ING5: variants seen among roughly 807,000 people sequenced by gnomAD.
The protein encoded by ING5 is inhibitor of growth protein 5.
A neutral mutation model predicts 37.4 loss-of-function variants in ING5; 17 were observed. That is an observed-to-expected ratio of 0.45 (90% CI 0.31 to 0.68). ING5 has a LOEUF of 0.68. Among genes scored for constraint, ING5 ranks in the 30% least tolerant of loss-of-function variants. The pLI is 0.05. For missense variants in ING5, 233 were observed against 311.9 expected, an observed-to-expected ratio of 0.75 and a Z score of 1.91; for synonymous variants, 123 against 116.6, an observed-to-expected ratio of 1.06 and a Z score of -0.36.
In ING5 at chr2:241,721,176, C is replaced by T. The variant is rs1032763934; in HGVS notation, c.483-1763C>T. On this transcript the variant is annotated intron_variant, in intron 5 of 7. Coordinates refer to ENST00000313552, the MANE Select transcript of ING5 (RefSeq NM_032329.6). ...CGGGTGAGAGGTGACTCGAGGAGACCGCAGGAGCCCCTTGGAGGTGAAGCC... is the reference window on the plus strand; with the variant it reads ...CGGGTGAGAGGTGACTCGAGGAGACTGCAGGAGCCCCTTGGAGGTGAAGCC... 1.5e-5 allele frequency: 15 copies of T among 985,350 alleles called. No homozygotes were observed. In the African/African-American group the frequency reaches 1.7e-4, roughly 11 times the overall value. 61.0% of individuals were successfully genotyped at this position (985,350 alleles called of 1,614,324 possible).
chr2:241,702,257 A>G (rs1300541747), intron 1 of ING5, among the ~76,000 whole-genome samples, 155 bp downstream of exon 1: 1 of 144,582 alleles, frequency 6.9e-6, no homozygotes, highest in African/African-American at 2.5e-5. Flanking sequence ...GGGGCGGGGC[A>G]GGGCCGCAAG....
intron 5 of ING5, among the ~76,000 whole-genome samples, chr2:241,718,552 A>C (rs2070344101): frequency 6.6e-6 from 1 of 151,414 alleles, no homozygotes; most frequent in African/African-American, 2.4e-5. Context: ...AGTAGCTGGA[A>C]TTACAGGCAC....
At chr2:241,698,171 G>C (rs570552965), upstream of ING5, among the ~76,000 whole-genome samples, 1 of 150,588 alleles carries the variant, frequency 6.6e-6, no homozygotes. Flanking sequence ...CGGGCCCGCC[G>C]TGGTGGCTCA....
Position 241,721,728 on chromosome 2 carries a change from G to T in ING5, c.483-1211G>T, listed in dbSNP as rs995650223. On this transcript the variant is annotated intron_variant, in intron 5 of 7. Transcript: ENST00000313552. ...ATACTTTTTCTTTCTGTACTAATGG[G>T]AATACACTGTCTATAGTACCTGCAG... 1.0e-5 allele frequency: 10 copies of T among 985,320 alleles called. No individual in the cohort carries two copies. The Admixed American group carries it at 2.5e-4, about 24-fold the overall frequency. 61.0% of individuals were successfully genotyped at this position (985,320 alleles called of 1,614,324 possible). A position where few individuals can be genotyped will look rare whatever the true frequency, so the allele number is the denominator to read the frequency against.
At chr2:241,709,096 G>T in intron 2 of ING5, 120 bp from the exon 3 acceptor site, 3 of 1,076,060 alleles carry the variant, frequency 2.8e-6, no homozygotes, top group Non-Finnish European at 4.1e-6. Flanking sequence ...CACAGCGTGA[G>T]TTCATGTCAG....
rs1042499757 is a variant in ING5, at chr2:241,711,290, T to G, written c.277-87T>G. On this transcript the variant is annotated intron_variant, in intron 3 of 7. Coordinates refer to ENST00000313552, the MANE Select transcript of ING5 (RefSeq NM_032329.6). ...GAGACTCAATTAAAGGGCAAGAAGGTGTTTCCTGGTGGATACTTTTGTACA... is the reference window on the plus strand; with the variant it reads ...GAGACTCAATTAAAGGGCAAGAAGGGGTTTCCTGGTGGATACTTTTGTACA... The G allele has an allele frequency of 2.5e-5, 21 of 856,562 alleles. 1 individual carries two copies. The South Asian group carries it at 5.0e-4, about 20-fold the overall frequency. 53.1% of individuals were successfully genotyped at this position (856,562 alleles called of 1,614,324 possible).
chr2:241,726,477 A>C lies in ING5; in HGVS notation c.*1446A>C, dbSNP rs1194304518. ...AGTCAGTGAGTGAGAACAAGAGAAC[A>C]AGAACACCCTGAACAGTCCTGGTTG... is the stretch of plus-strand genomic sequence containing the variant. On this transcript the variant is annotated 3_prime_UTR_variant, in exon 8 of 8. Transcript: ENST00000313552. The C allele has an allele frequency of 6.6e-6, 1 of 152,266 alleles. No individual in the cohort carries two copies. The highest frequency in any genetic ancestry group is 1.9e-4 in the East Asian group (1 of 5,196). The allele number at this position is 152,266 out of a possible 1,614,324, so 9.4% of individuals were successfully genotyped here. A position where few individuals can be genotyped will look rare whatever the true frequency, so the allele number is the denominator to read the frequency against.
At chr2:241,690,549 T>A (rs1180223508) in exon 2 of ING5, 2 of 398,288 alleles carry the variant, frequency 5.0e-6, no homozygotes, top group Non-Finnish European at 8.9e-6. Flanking sequence ...GAGCATCCAG[T>A]GTCCTTCGTA....
intron 5 of ING5, among the ~76,000 whole-genome samples, chr2:241,716,524 A>G (rs2070276150): frequency 2.7e-5 from 4 of 150,512 alleles, no homozygotes; most frequent in South Asian, 4.2e-4. Flanking sequence ...CGAACCCCTG[A>G]CCCCAAGTGA....
Position 241,704,643 on chromosome 2 carries a change from T to G in ING5, c.38-10T>G, listed in dbSNP as rs780896311. 1 of 1,613,316 alleles carries G rather than the reference T, an allele frequency of 6.2e-7. No homozygotes were observed. On this transcript the variant is annotated splice_polypyrimidine_tract_variant and intron_variant, in intron 1 of 7. Coordinates refer to ENST00000313552, the MANE Select transcript of ING5 (RefSeq NM_032329.6). ...GAGAGGTACATGGCTTCTGTGTTTT[T>G]GCGTTTCAGGTATCGAGAACCTTCC...
chr2:241,702,002 C>G, upstream of ING5: 1 of 1,234,260 alleles, frequency 8.1e-7, no homozygotes, highest in Non-Finnish European at 1.0e-6. Flanking sequence ...GCTGGCACCG[C>G]CCCGCCCCCG....
At chr2:241,705,590 G>A (rs551133634) in intron 2 of ING5, among the ~76,000 whole-genome samples, 20 of 147,530 alleles carry the variant, frequency 1.4e-4, no homozygotes, top group African/African-American at 4.8e-4. Flanking sequence ...GTAGAGACAG[G>A]GTTTCACCAT....
At chr2:241,687,459 C>G (rs1178795157) in exon 1 of ING5, 2 of 398,358 alleles carry the variant, frequency 5.0e-6, no homozygotes, top group Non-Finnish European at 8.8e-6. Flanking sequence ...ACCATGGGAT[C>G]GATAAATGTT....
At chr2:241,723,596 C>CG (rs1691480329) in intron 7 of ING5, among the ~76,000 whole-genome samples, 1 of 152,170 alleles carries the variant, frequency 6.6e-6, no homozygotes, top group African/African-American at 2.4e-5. Flanking sequence ...AGGTAGGGAT[C>CG]GTCTTAAATC....
At chr2:241,719,932 G>T in intron 5 of ING5, 2 of 1,296,188 alleles carry the variant, frequency 1.5e-6, no homozygotes, top group Non-Finnish European at 2.0e-6. Context: ...TGCGGCTCTG[G>T]ATCTAGCTTG....
rs936270692 is a variant in ING5, at chr2:241,720,909, C to T, written c.483-2030C>T. Reference sequence around the variant, plus strand: ...AGGCGAGACTGAGAGGCCAGTGAGGCCTGCACGGTGGCCTCAGCTTCTGGG... The same window carrying T: ...AGGCGAGACTGAGAGGCCAGTGAGGTCTGCACGGTGGCCTCAGCTTCTGGG... On this transcript the variant is annotated intron_variant, in intron 5 of 7. Coordinates refer to ENST00000313552, the MANE Select transcript of ING5 (RefSeq NM_032329.6). 1.0e-5 allele frequency: 10 copies of T among 985,534 alleles called. No homozygotes were observed. In the South Asian group the frequency reaches 1.9e-4, roughly 19 times the overall value. 61.0% of individuals were successfully genotyped at this position (985,534 alleles called of 1,614,324 possible).
At chr2:241,716,499 T>G (rs979836053) in intron 5 of ING5, among the ~76,000 whole-genome samples, 2 of 151,936 alleles carry the variant, frequency 1.3e-5, no homozygotes, top group Non-Finnish European at 2.9e-5. Context: ...TTCACCATTT[T>G]GGCCAGGCTG....
At chr2:241,706,496 G>A (rs143805307) in intron 2 of ING5, among the ~76,000 whole-genome samples, 14,896 of 151,862 alleles carry the variant, frequency 0.098, 698 homozygotes, top group South Asian at 0.13. Flanking sequence ...GGGTGTGGTG[G>A]CGCACGCCTA....
At chr2:241,706,625 C>CA (rs770869002) in intron 2 of ING5, among the ~76,000 whole-genome samples, 38,592 of 108,956 alleles carry the variant, frequency 0.35, 6,819 homozygotes, top group Non-Finnish European at 0.45. Context: ...AACTCCATCT[C>CA]AAAAAAAAAA....
Sources: gnomAD v4.1 joint callset for allele counts (sites outside exome capture counted in the v4.1 genomes callset) on GRCh38, gnomAD v4.1.1 for gene constraint, MANE v1.5 for transcripts, NCBI Gene and HGNC (gene_info 2026-07-23, HGNC 2026-07-21) for gene names.